Variants in CRELD2 observed in about 807,000 individuals in gnomAD.
The protein encoded by CRELD2 is protein disulfide isomerase CRELD2.
Under a neutral mutation model 48.1 loss-of-function variants are expected in CRELD2, and 33 were observed. That is an observed-to-expected ratio of 0.69 (90% CI 0.52 to 0.92). CRELD2 has a LOEUF of 0.92. Ranked by LOEUF, CRELD2 falls within the 40% of genes least tolerant of loss-of-function variation. CRELD2 has a pLI of 0.00. For missense variants in CRELD2, 477 were observed against 482.4 expected (o/e 0.99, Z 0.10); for synonymous variants, 220 against 203.9 (o/e 1.08, Z -0.67).
intron 4 of CRELD2, 148 bp from the exon 5 acceptor site, chr22:49,921,437 G>C (rs1438375950): frequency 1.7e-5 from 14 of 833,646 alleles, no homozygotes; most frequent in Non-Finnish European, 2.5e-5. Flanking sequence ...CAGGAAATCA[G>C]TTTCCCCAAA....
chr22:49,920,916 C>T (rs115627022), intron 4 of CRELD2, among the ~76,000 whole-genome samples: 4,151 of 152,342 alleles, frequency 0.027, 168 homozygotes, highest in African/African-American at 0.09. Context: ...GCAGTCCCCG[C>T]GCCTGACGCG....
chr22:49,919,918 G>A, intron 3 of CRELD2, 78 bp downstream of exon 3: 1 of 1,174,252 alleles, frequency 8.5e-7, no homozygotes, highest in Non-Finnish European at 1.2e-6. Flanking sequence ...ACTTAGAAAG[G>A]TACAGGAACA....
intron 6 of CRELD2, among the ~76,000 whole-genome samples, chr22:49,923,000 C>G (rs911193977): frequency 1.3e-5 from 2 of 151,068 alleles, no homozygotes; most frequent in Non-Finnish European, 2.9e-5. Flanking sequence ...GGGGCGCCTG[C>G]CCCGGTTGGC....
chr22:49,921,627 A>C lies in CRELD2; in HGVS notation c.458A>C (p.His153Pro). Residue 153 changes from histidine (H) to proline (P), a missense_variant, in exon 5 of 10, where the codon CAC becomes CCC. Coordinates refer to ENST00000328268, the MANE Select transcript of CRELD2 (RefSeq NM_024324.5). ...CAGAGGCCCTGCAGCGGGAATGGCCACTGCAGCGGAGATGGGAGCAGACAG... is the reference window on the plus strand; with the variant it reads ...CAGAGGCCCTGCAGCGGGAATGGCCCCTGCAGCGGAGATGGGAGCAGACAG... The part of the protein sequence containing the change: ...GSQRPCSGNG[H>P]CSGDGSRQGD... The C allele has an allele frequency of 6.2e-7, 1 of 1,612,842 alleles. No homozygotes were observed. Among genetic ancestry groups the C allele is most frequent in the Non-Finnish European group, 8.5e-7 (1 of 1,179,962 alleles).
intron 4 of CRELD2, among the ~76,000 whole-genome samples, chr22:49,920,834 C>T (rs141452796): frequency 1.3e-4 from 20 of 152,364 alleles, no homozygotes; most frequent in African/African-American, 4.8e-4. Flanking sequence ...CGCCCACCAT[C>T]AGCCTTCTGC....
chr22:49,926,294 C>G (rs1353100015), intron 9 of CRELD2: 1 of 152,266 alleles, frequency 6.6e-6, no homozygotes, highest in African/African-American at 2.4e-5. Flanking sequence ...GTAAAGACTT[C>G]AGCGTGTTTT....
Position 49,923,321 on chromosome 22 carries a change from G to T in CRELD2, c.772+4G>T. 1 of 1,612,012 alleles carries T rather than the reference G, an allele frequency of 6.2e-7. No homozygotes were observed. The highest frequency in any genetic ancestry group is 1.3e-5 in the African/African-American group (1 of 75,042). On this transcript the variant is annotated splice_donor_region_variant and intron_variant, in intron 7 of 9. Transcript: ENST00000328268. ...AACGGCTCCTACACGTGCGAAGGTGGGCCAGGCGGGCGGGTCTGCACTCCG... is the reference window on the plus strand; with the variant it reads ...AACGGCTCCTACACGTGCGAAGGTGTGCCAGGCGGGCGGGTCTGCACTCCG...
In CRELD2 at chr22:49,919,271, C is replaced by G; in HGVS notation, c.171C>G (p.Asn57Lys). ...DTAKKNFGGG[N>K]TAWEEKTLSK... Reference sequence around the variant, plus strand: ...CAAAGAAGAACTTTGGCGGCGGGAACACGGCTTGGGAGGAAAAGACGCTGT... The same window carrying G: ...CAAAGAAGAACTTTGGCGGCGGGAAGACGGCTTGGGAGGAAAAGACGCTGT... The change falls in exon 2 of 10, where the codon AAC becomes AAG. Residue 57 changes from asparagine (N) to lysine (K), a missense_variant. By Grantham distance (94) the Asn-to-Lys change is moderately conservative. Transcript: ENST00000328268. 6.2e-7 allele frequency: 1 copy of G among 1,613,754 alleles called. No homozygotes were observed. The highest frequency in any genetic ancestry group is 8.5e-7 in the Non-Finnish European group (1 of 1,180,016).
In CRELD2 at chr22:49,918,677, C is replaced by CGCGGCTGGGAGCGGGTGG. The variant is rs1449382625; in HGVS notation, c.-87_-70dup. 34 of 420,482 alleles carry CGCGGCTGGGAGCGGGTGG rather than the reference C, an allele frequency of 8.1e-5. No individual in the cohort carries two copies. The highest frequency in any genetic ancestry group is 1.3e-4 in the Non-Finnish European group (34 of 256,504). 26.0% of individuals were successfully genotyped at this position (420,482 alleles called of 1,614,324 possible). ...TCAAGTAGCCTGGGGGACAGGCCGG[C>CGCGGCTGGGAGCGGGTGG]GCGGCTGGGAGCGGGTGGGCGGCCG... On this transcript the variant is annotated 5_prime_UTR_variant, in exon 1 of 10. Transcript: ENST00000328268.
At position 49,918,741 on chromosome 22, in the gene CRELD2, G is replaced by A. The variant is rs575556167; in HGVS notation, c.-29G>A. 2 of 929,488 alleles carry A rather than the reference G, an allele frequency of 2.2e-6. No individual in the cohort carries two copies. The highest frequency in any genetic ancestry group is 4.3e-5 in the Admixed American group (1 of 22,992). 57.6% of individuals were successfully genotyped at this position (929,488 alleles called of 1,614,324 possible). Reference sequence around the variant, plus strand: ...GCACGGCCGCAGGACCTGGAGCTCCGGCTGCGTCTTCCCGCAGCGCTACCC... The same window carrying A: ...GCACGGCCGCAGGACCTGGAGCTCCAGCTGCGTCTTCCCGCAGCGCTACCC... On this transcript the variant is annotated 5_prime_UTR_variant, in exon 1 of 10. Coordinates refer to ENST00000328268, the MANE Select transcript of CRELD2 (RefSeq NM_024324.5).
In CRELD2 at chr22:49,919,807, A is replaced by G. The variant is rs2060661865; in HGVS notation, c.290A>G (p.Gln97Arg). Reference protein sequence around the residue: ...DFECNQMLEAQEEHLEAWWLQ... With the variant: ...DFECNQMLEAREEHLEAWWLQ... The stretch of plus-strand genomic sequence containing the variant: ...GAATGCAATCAGATGCTAGAGGCGC[A>G]GGAGGAGCACCTGGAGGCCTGGTGG... Residue 97 changes from glutamine to arginine, a missense_variant, in exon 3 of 10, where the codon CAG becomes CGG. Gln to Arg is a conservative substitution (Grantham distance 43). Transcript: ENST00000328268. 1 of 1,612,714 alleles carries G rather than the reference A, an allele frequency of 6.2e-7. No homozygotes were observed. The highest frequency in any genetic ancestry group is 1.7e-5 in the Admixed American group (1 of 59,858).
intron 4 of CRELD2, 84 bp from the exon 5 acceptor site, chr22:49,921,501 G>T: frequency 7.2e-7 from 1 of 1,388,228 alleles, no homozygotes; most frequent in South Asian, 1.3e-5. Context: ...TACAGGGTTT[G>T]GGTGCCATGC....
At chr22:49,919,159 G>T in intron 1 of CRELD2, 71 bp from the exon 2 acceptor site, 2 of 966,184 alleles carry the variant, frequency 2.1e-6, no homozygotes, top group Non-Finnish European at 2.8e-6. Context: ...CCTCACCCTC[G>T]ACCTGGGCTC....
chr22:49,922,871 G>GGT (rs2060712519), intron 6 of CRELD2, among the ~76,000 whole-genome samples, 164 bp downstream of exon 6: 1 of 71,960 alleles, frequency 1.4e-5, no homozygotes, highest in African/African-American at 1.0e-4. Context: ...TTGGGGTGTG[G>GGT]GGGGCGTGAG....
At chr22:49,925,298 C>A in intron 8 of CRELD2, 119 bp from the exon 9 acceptor site, 1 of 738,084 alleles carries the variant, frequency 1.4e-6, no homozygotes, top group Non-Finnish European at 2.3e-6. Flanking sequence ...CTTTCTGTAA[C>A]GTGACGTTTG....
chr22:49,927,299 G>GGC lies in CRELD2; in HGVS notation c.1054_1055insGC (p.Asp352GlyfsTer65). 1 of 1,612,056 alleles carries GGC rather than the reference G, an allele frequency of 6.2e-7. No individual in the cohort carries two copies. The highest frequency in any genetic ancestry group is 8.5e-7 in the Non-Finnish European group (1 of 1,179,432). Reference sequence around the variant, plus strand: ...CCCGACACAGCTGCCCTCCCGCGAAGACCTGTAATGTGCCGGACTTACCCT... The same window carrying GGC: ...CCCGACACAGCTGCCCTCCCGCGAAGGCACCTGTAATGTGCCGGACTTACCCT... On this transcript the variant is annotated frameshift_variant, in exon 10 of 10. Transcript: ENST00000328268. LOFTEE classifies it high-confidence loss of function.
intron 6 of CRELD2, 55 bp downstream of exon 6, chr22:49,922,762 G>A (rs1467259766): frequency 1.3e-4 from 90 of 719,280 alleles, no homozygotes; most frequent in Non-Finnish European, 9.1e-5. Flanking sequence ...TGGGGGGTGT[G>A]AGATGGGGGC....
Position 49,919,951 on chromosome 22 carries a change from G to A in CRELD2, c.323+111G>A, listed in dbSNP as rs1601837682. ...ACAGTAGGGAGCTCCCACCTGCCTC[G>A]CACCCACCTTACCCCTGCATTACCG... On this transcript the variant is annotated intron_variant, in intron 3 of 9. Coordinates refer to ENST00000328268, the MANE Select transcript of CRELD2 (RefSeq NM_024324.5). 6.8e-6 allele frequency: 6 copies of A among 879,274 alleles called. No homozygotes were observed. The East Asian group carries it at 1.3e-4, about 19-fold the overall frequency. 54.5% of individuals were successfully genotyped at this position (879,274 alleles called of 1,614,324 possible). A position where few individuals can be genotyped will look rare whatever the true frequency, so the allele number is the denominator to read the frequency against.
In CRELD2 at chr22:49,925,827, G is replaced by A. The variant is rs1017317426; in HGVS notation, c.1009+270G>A. The A allele has an allele frequency of 7.2e-6, 8 of 1,107,904 alleles. No individual in the cohort carries two copies. In the South Asian group the frequency reaches 7.6e-5, roughly 10 times the overall value. 68.6% of individuals were successfully genotyped at this position (1,107,904 alleles called of 1,614,324 possible). ...CTCTGAAGCTCAGACCTCAGCGGGC[G>A]ATGAGCAGAGGAGCAGACGCAGGAG... is the stretch of plus-strand genomic sequence containing the variant. On this transcript the variant is annotated intron_variant, in intron 9 of 9. Coordinates refer to ENST00000328268, the MANE Select transcript of CRELD2 (RefSeq NM_024324.5).
Sources: allele counts gnomAD v4.1 joint callset (sites outside exome capture counted in the v4.1 genomes callset), GRCh38; gene constraint gnomAD v4.1.1; transcripts MANE v1.5; gene names NCBI Gene and HGNC (gene_info 2026-07-23, HGNC 2026-07-21).